Variants in TENM2 observed in about 807,000 individuals in gnomAD.
The protein encoded by TENM2 is teneurin-2.
A neutral mutation model predicts 245.2 loss-of-function variants in TENM2; 52 were observed. That is an observed-to-expected ratio of 0.21 (90% CI 0.17 to 0.27). The LOEUF is 0.27. TENM2 is among the 10% of genes least tolerant of loss of function. The pLI, the probability that TENM2 is intolerant of heterozygous loss-of-function variation, is 1.00. For synonymous variants in TENM2, 1,363 were observed against 1,438.9 expected (o/e 0.95, Z 1.19); for missense variants, 3,046 against 3,666.8 (o/e 0.83, Z 4.37).
chr5:168,181,492 T>C lies in TENM2; in HGVS notation c.2570-8845T>C, dbSNP rs138954564. Among the ~76,000 whole-genome samples the C allele has an allele frequency of 4.6e-3, 705 of 152,152 alleles. 7 individuals are homozygous for C. Among genetic ancestry groups the C allele is most frequent in the African/African-American group, 0.016 (659 of 41,524 alleles). On this transcript the variant is annotated intron_variant, in intron 13 of 28. Transcript: ENST00000518659. ...TCACTGGGGCCTCCTCTCTGCCAGA[T>C]CTCTGGTCAGACATGATTCATCTTC...
At chr5:167,038,167 T>A in the TENM2 span, among the ~76,000 whole-genome samples, 12 of 152,324 alleles carry the variant, frequency 7.9e-5, no homozygotes, top group Non-Finnish European at 1.5e-4. Context: ...GAAGTCCTCA[T>A]AATGGCAAAG....
At chr5:167,920,610 A>G (rs989106952) in intron 3 of TENM2, among the ~76,000 whole-genome samples, 2 of 152,124 alleles carry the variant, frequency 1.3e-5, no homozygotes, top group Non-Finnish European at 2.9e-5. Context: ...CAGCAAATAA[A>G]GCCAAGTCCC....
At chr5:167,266,068 C>T in the TENM2 span, among the ~76,000 whole-genome samples, 2 of 152,142 alleles carry the variant, frequency 1.3e-5, no homozygotes. Flanking sequence ...TCAATAAAGT[C>T]AAGTCCCAGT....
intron 2 of TENM2, among the ~76,000 whole-genome samples, chr5:167,400,706 A>G (rs1250198029): frequency 1.3e-5 from 2 of 152,106 alleles, no homozygotes; most frequent in East Asian, 3.9e-4. Context: ...GGACAATCCA[A>G]GGAAGGTGAG....
In TENM2 at chr5:167,754,500, C is replaced by T. The variant is rs149176197; in HGVS notation, c.503-121486C>T. On this transcript the variant is annotated intron_variant, in intron 2 of 28. Coordinates refer to ENST00000518659, the Ensembl canonical transcript of TENM2. ...TGATATTTGAACATTCTATAGCATC[C>T]GTCAACAGGAATGCGCACATGGTTT... 1.0e-3 allele frequency among the ~76,000 whole-genome samples: 152 copies of T among 152,156 alleles called. 2 individuals are homozygous for T. The highest frequency in any genetic ancestry group is 1.3e-3 in the Non-Finnish European group (91 of 68,012).
chr5:167,850,092 GC>G (rs1056061422), intron 2 of TENM2, among the ~76,000 whole-genome samples: 1 of 152,070 alleles, frequency 6.6e-6, no homozygotes, highest in African/African-American at 2.4e-5. Flanking sequence ...CTGGTGACCA[GC>G]CCCCACATCC....
intron 1 of TENM2, among the ~76,000 whole-genome samples, chr5:167,356,096 C>T (rs1318254671): frequency 1.5e-5 from 2 of 137,614 alleles, no homozygotes; most frequent in Admixed American, 8.2e-5. Context: ...ACAGGAGAAT[C>T]GTTTGAACCC....
At chr5:167,986,200 A>C (rs2546957) in intron 4 of TENM2, among the ~76,000 whole-genome samples, 1 of 152,064 alleles carries the variant, frequency 6.6e-6, no homozygotes, top group Non-Finnish European at 1.5e-5. Context: ...TAAAGGATAC[A>C]GGAGAATGGC....
chr5:167,312,859 A>G (rs1011680209), intron 1 of TENM2, among the ~76,000 whole-genome samples: 1 of 151,190 alleles, frequency 6.6e-6, no homozygotes, highest in Non-Finnish European at 1.5e-5. Context: ...GGCAAAGCAG[A>G]ATCAAGCGAC....
intron 2 of TENM2, among the ~76,000 whole-genome samples, chr5:167,477,229 A>G (rs1346189149): frequency 6.6e-6 from 1 of 151,088 alleles, no homozygotes; most frequent in Non-Finnish European, 1.5e-5. Context: ...TTTTCAGTGA[A>G]ACTAGAATTT....
intron 5 of TENM2, among the ~76,000 whole-genome samples, chr5:168,045,174 A>G (rs1331516854): frequency 6.6e-6 from 1 of 151,196 alleles, no homozygotes; most frequent in East Asian, 1.9e-4. Flanking sequence ...TTTTCTTCTC[A>G]CTCCTGGGAG....
chr5:167,295,198 AC>A (rs1754878884), intron 1 of TENM2, among the ~76,000 whole-genome samples: 1 of 152,148 alleles, frequency 6.6e-6, no homozygotes, highest in African/African-American at 2.4e-5. Context: ...TCAGAAACAG[AC>A]TCTACTTAGA....
intron 5 of TENM2, among the ~76,000 whole-genome samples, chr5:168,028,854 T>C (rs1786855868): frequency 6.6e-6 from 1 of 151,524 alleles, no homozygotes; most frequent in African/African-American, 2.4e-5. Flanking sequence ...ATTAGAGTCC[T>C]TAACTAGGGT....
At position 167,766,006 on chromosome 5, in the gene TENM2, A is replaced by G. The variant is rs112459709; in HGVS notation, c.503-109980A>G. ...TGGGCAAGATCTGGGCTCTTTTGCC[A>G]TAGGATTTATCCCTAGAAACACAGA... On this transcript the variant is annotated intron_variant, in intron 2 of 28. Coordinates refer to ENST00000518659, the Ensembl canonical transcript of TENM2. Among the ~76,000 whole-genome samples the G allele has an allele frequency of 8.0e-3, 1,213 of 152,332 alleles. 20 individuals carry two copies. Among genetic ancestry groups the G allele is most frequent in the African/African-American group, 0.028 (1,160 of 41,576 alleles).
At chr5:167,476,186 C>T (rs1767358862) in intron 2 of TENM2, among the ~76,000 whole-genome samples, 1 of 152,048 alleles carries the variant, frequency 6.6e-6, no homozygotes, top group Non-Finnish European at 1.5e-5. Context: ...TATGGATATT[C>T]TTATTCGGTC....
At chr5:167,147,662 G>A in the TENM2 span, among the ~76,000 whole-genome samples, 4 of 152,086 alleles carry the variant, frequency 2.6e-5, no homozygotes, top group Non-Finnish European at 5.9e-5. Context: ...ATCACTCACT[G>A]AGCCAGTATT....
chr5:167,713,568 C>T (rs1759050477), intron 2 of TENM2, among the ~76,000 whole-genome samples: 1 of 151,548 alleles, frequency 6.6e-6, no homozygotes, highest in Admixed American at 6.6e-5. Context: ...GCGCACACCC[C>T]CACCACCACA....
chr5:167,240,453 A>G, the TENM2 span, among the ~76,000 whole-genome samples: 10 of 152,146 alleles, frequency 6.6e-5, no homozygotes, highest in East Asian at 5.8e-4. Flanking sequence ...CCTCATGTGT[A>G]TCAGTTAAGT....
intron 1 of TENM2, among the ~76,000 whole-genome samples, chr5:167,310,058 A>G (rs570533091): frequency 1.1e-4 from 17 of 151,368 alleles, no homozygotes; most frequent in African/African-American, 3.9e-4. Context: ...TGAATACTAA[A>G]GCGCGTATCT....
Sources: allele counts gnomAD v4.1 joint callset (sites outside exome capture counted in the v4.1 genomes callset), GRCh38; gene constraint gnomAD v4.1.1; transcripts MANE v1.5; gene names NCBI Gene and HGNC (gene_info 2026-07-23, HGNC 2026-07-21).